Variants in PTPN14 observed in about 807,000 individuals in gnomAD.
The protein encoded by PTPN14 is protein tyrosine phosphatase non-receptor type 14, also known as tyrosine-protein phosphatase non-receptor type 14.
In PTPN14, 53 loss-of-function variants were observed where a neutral mutation model predicts 126.8. The ratio of observed to expected loss-of-function variants is 0.42; its 90% CI spans 0.34 to 0.53. PTPN14 has a LOEUF of 0.53. PTPN14 is among the 20% of genes least tolerant of loss of function. The pLI is 0.08. For missense variants in PTPN14, 1,257 were observed against 1,552.9 expected, an observed-to-expected ratio of 0.81 and a Z score of 3.20; for synonymous variants, 630 against 599.3, an observed-to-expected ratio of 1.05 and a Z score of -0.75.
chr1:214,486,169 C>G (rs1399231944), intron 1 of PTPN14, among the ~76,000 whole-genome samples: 3 of 152,152 alleles, frequency 2.0e-5, no homozygotes, highest in Non-Finnish European at 4.4e-5. Flanking sequence ...TGTCCCAAAA[C>G]CATACCCTAA....
At chr1:214,366,497 T>C (rs979763157) in intron 17 of PTPN14, among the ~76,000 whole-genome samples, 16 of 152,162 alleles carry the variant, frequency 1.1e-4, no homozygotes, top group African/African-American at 3.4e-4. Context: ...CTATCAGTCA[T>C]ACTAATAAAG....
intron 1 of PTPN14, among the ~76,000 whole-genome samples, chr1:214,546,775 T>C (rs538210550): frequency 1.3e-5 from 2 of 152,296 alleles, no homozygotes; most frequent in South Asian, 4.1e-4. Context: ...AGGCTCAAGA[T>C]GAAACTCTTG....
intron 2 of PTPN14, among the ~76,000 whole-genome samples, chr1:214,456,343 C>T (rs147277414): frequency 2.8e-4 from 43 of 152,248 alleles, no homozygotes; most frequent in African/African-American, 9.6e-4. Context: ...TATACAAGCA[C>T]GAACAGTTTC....
At chr1:214,500,944 C>T (rs1379352605) in intron 1 of PTPN14, among the ~76,000 whole-genome samples, 3 of 152,120 alleles carry the variant, frequency 2.0e-5, no homozygotes, top group African/African-American at 7.2e-5. Flanking sequence ...CGTAATTATT[C>T]ATTACTGCTA....
chr1:214,526,832 C>T (rs1469734397), intron 1 of PTPN14, among the ~76,000 whole-genome samples: 1 of 152,206 alleles, frequency 6.6e-6, no homozygotes, highest in African/African-American at 2.4e-5. Context: ...TGGCTCACGC[C>T]TGTAATCCCA....
Position 214,357,763 on chromosome 1 carries a change from A to G in PTPN14, c.*159T>C. The G allele has an allele frequency of 5.4e-6, 3 of 557,068 alleles. No individual in the cohort carries two copies. The highest frequency in any genetic ancestry group is 9.7e-6 in the Non-Finnish European group (3 of 309,336). The allele number at this position is 557,068 out of a possible 1,614,324, so 34.5% of individuals were successfully genotyped here. ...AAAAATAAATTATCTCATATAAAAT[A>G]ATACATGGTATGTGTGAATAATCTT... On this transcript the variant is annotated 3_prime_UTR_variant, in exon 19 of 19. Transcript: ENST00000366956.
At chr1:214,430,796 C>T (rs1659780640) in intron 3 of PTPN14, among the ~76,000 whole-genome samples, 1 of 152,182 alleles carries the variant, frequency 6.6e-6, no homozygotes, top group African/African-American at 2.4e-5. Flanking sequence ...CTTATCATTC[C>T]ACCCATGAAA....
At chr1:214,488,458 C>T (rs894041123) in intron 1 of PTPN14, among the ~76,000 whole-genome samples, 1 of 152,162 alleles carries the variant, frequency 6.6e-6, no homozygotes, top group Non-Finnish European at 1.5e-5. Context: ...GAATCAAAAT[C>T]ACTAAAGCAT....
chr1:214,535,557 C>T (rs57047137), intron 1 of PTPN14, among the ~76,000 whole-genome samples: 18,606 of 152,140 alleles, frequency 0.12, 1,268 homozygotes, highest in East Asian at 0.24. Context: ...GAGGGCAGAT[C>T]ACCTGATGTC....
chr1:214,445,063 G>A (rs1352025487), intron 3 of PTPN14, among the ~76,000 whole-genome samples: 1 of 152,158 alleles, frequency 6.6e-6, no homozygotes, highest in Non-Finnish European at 1.5e-5. Context: ...CTCCATGCAA[G>A]CCCATACAGA....
chr1:214,538,837 T>C (rs1226409742), intron 1 of PTPN14, among the ~76,000 whole-genome samples: 2 of 152,176 alleles, frequency 1.3e-5, no homozygotes, highest in Non-Finnish European at 2.9e-5. Context: ...CTAGCCTCCA[T>C]AAGCCAAATG....
chr1:214,419,557 T>G (rs1001652416), intron 3 of PTPN14, among the ~76,000 whole-genome samples: 1 of 152,126 alleles, frequency 6.6e-6, no homozygotes, highest in Non-Finnish European at 1.5e-5. Flanking sequence ...ACTAGCAATA[T>G]CAGAGGAATC....
At chr1:214,406,101 A>G (rs1301573111) in intron 5 of PTPN14, among the ~76,000 whole-genome samples, 4 of 152,216 alleles carry the variant, frequency 2.6e-5, no homozygotes, top group African/African-American at 9.6e-5. Flanking sequence ...AGCATCCCAC[A>G]GGACTTTTTG....
intron 1 of PTPN14, among the ~76,000 whole-genome samples, chr1:214,512,394 A>T (rs1571635438): frequency 6.6e-6 from 1 of 152,146 alleles, no homozygotes; most frequent in East Asian, 1.9e-4. Flanking sequence ...CCTTCTTCTT[A>T]GGAAATTTAA....
At chr1:214,408,596 T>C (rs1033642512) in intron 5 of PTPN14, among the ~76,000 whole-genome samples, 21 of 152,210 alleles carry the variant, frequency 1.4e-4, no homozygotes, top group African/African-American at 4.6e-4. Flanking sequence ...TTAAAGACCA[T>C]AGAACTGACC....
intron 2 of PTPN14, among the ~76,000 whole-genome samples, chr1:214,459,510 A>G (rs1660461311): frequency 7.7e-6 from 1 of 130,278 alleles, no homozygotes; most frequent in African/African-American, 3.0e-5. Flanking sequence ...TCACTCTGTC[A>G]CCAAGCTGGA....
At chr1:214,379,509 G>T (rs1658423748) in intron 13 of PTPN14, among the ~76,000 whole-genome samples, 1 of 152,190 alleles carries the variant, frequency 6.6e-6, no homozygotes, top group Non-Finnish European at 1.5e-5. Context: ...GTATCTCAGA[G>T]GAGGTTACTG....
chr1:214,462,306 C>T (rs556608573), intron 2 of PTPN14, among the ~76,000 whole-genome samples: 26 of 152,110 alleles, frequency 1.7e-4, no homozygotes, highest in Non-Finnish European at 2.9e-4. Flanking sequence ...TGACTTTTGC[C>T]TTCTCACTGA....
rs533367788 is a variant in PTPN14, at chr1:214,433,089, G to C, written c.345-18363C>G. On this transcript the variant is annotated intron_variant, in intron 3 of 18. Coordinates refer to ENST00000366956, the MANE Select transcript of PTPN14 (RefSeq NM_005401.5). The stretch of plus-strand genomic sequence containing the variant: ...CGGCTATTTTTTTGTATTTTTAGTA[G>C]AGACAGGGTTTCCCAGTGTTTGCCA... Among the ~76,000 whole-genome samples, 9 of 152,072 alleles carry C rather than the reference G, an allele frequency of 5.9e-5. No homozygotes were observed. In the Middle Eastern group the frequency reaches 0.014, roughly 230 times the overall value.
Sources: gnomAD v4.1 joint callset for allele counts (sites outside exome capture counted in the v4.1 genomes callset) on GRCh38, gnomAD v4.1.1 for gene constraint, MANE v1.5 for transcripts, NCBI Gene and HGNC (gene_info 2026-07-23, HGNC 2026-07-21) for gene names.